Variants in RALGAPA2 observed in about 807,000 individuals in gnomAD.
The protein encoded by RALGAPA2 is ral GTPase-activating protein subunit alpha-2.
Under a neutral mutation model 230.4 loss-of-function variants are expected in RALGAPA2, and 139 were observed. That is an observed-to-expected ratio of 0.60 (90% CI 0.53 to 0.69). The LOEUF is 0.69. Ranked by LOEUF, RALGAPA2 falls within the 30% of genes least tolerant of loss-of-function variation. RALGAPA2 has a pLI of 0.00. For synonymous variants in RALGAPA2, 847 were observed against 837.8 expected, an observed-to-expected ratio of 1.01 and a Z score of -0.19; for missense variants, 2,163 against 2,276.0, an observed-to-expected ratio of 0.95 and a Z score of 1.01.
At chr20:20,529,578 G>A (rs2063316283) in intron 27 of RALGAPA2, among the ~76,000 whole-genome samples, 1 of 152,084 alleles carries the variant, frequency 6.6e-6, no homozygotes. Flanking sequence ...TATTTTTACT[G>A]TACCTCTTCT....
intron 16 of RALGAPA2, chr20:20,598,814 G>T (rs970938151): frequency 4.4e-6 from 2 of 456,006 alleles, no homozygotes; most frequent in African/African-American, 4.0e-5. Context: ...GACTGGCTTC[G>T]CTTAGCTTCC....
At chr20:20,458,873 T>TAC (rs1322200049) in intron 37 of RALGAPA2, among the ~76,000 whole-genome samples, 6 of 134,554 alleles carry the variant, frequency 4.5e-5, no homozygotes, top group Non-Finnish European at 6.2e-5. Flanking sequence ...TATATATATA[T>TAC]ATACACACAC....
rs906673486 is a variant in RALGAPA2, at chr20:20,535,766, T to C, written c.3452A>G (p.Glu1151Gly). The C allele has an allele frequency of 7.9e-5, 122 of 1,548,718 alleles. No individual in the cohort carries two copies. Among genetic ancestry groups the C allele is most frequent in the Admixed American group, 2.6e-4 (13 of 50,654 alleles). The change falls in exon 26 of 40, where the codon GAA becomes GGA. Residue 1151 changes from glutamate (E) to glycine (G), a missense_variant. Transcript: ENST00000202677. ...LINILLKNAT[E>G]EPNEYARCIA... ...TTACCTTGCATATTCATTTGGTTCTTCTGTGGCATTCTTCAGTAAAATATT... is the reference window on the plus strand; with the variant it reads ...TTACCTTGCATATTCATTTGGTTCTCCTGTGGCATTCTTCAGTAAAATATT...
At chr20:20,420,872 TA>T (rs1192559019) in intron 37 of RALGAPA2, among the ~76,000 whole-genome samples, 9 of 152,216 alleles carry the variant, frequency 5.9e-5, no homozygotes, top group African/African-American at 2.2e-4. Context: ...TGGCTAAGAA[TA>T]TTTTACAAAA....
intron 37 of RALGAPA2, among the ~76,000 whole-genome samples, chr20:20,415,392 A>G (rs2060145829): frequency 6.6e-6 from 1 of 152,252 alleles, no homozygotes; most frequent in Admixed American, 6.5e-5. Context: ...AAAGTTTACT[A>G]ACAAATGTGT....
intron 27 of RALGAPA2, 111 bp from the exon 28 acceptor site, chr20:20,526,473 T>C (rs2063207242): frequency 1.4e-6 from 1 of 708,308 alleles, no homozygotes; most frequent in African/African-American, 1.8e-5. Flanking sequence ...ATTTATCTGT[T>C]TTGCCTCAAA....
Position 20,506,563 on chromosome 20 carries a change from G to A in RALGAPA2, c.4929-1029C>T, listed in dbSNP as rs181493795. On this transcript the variant is annotated intron_variant, in intron 33 of 39. Coordinates refer to ENST00000202677, the MANE Select transcript of RALGAPA2 (RefSeq NM_020343.4). ...AGAGTTTTGGTTTTTTTAAAGTTTC[G>A]ATGTCCACTTCCAGAGCGGTTCCAA... Among the ~76,000 whole-genome samples the A allele has an allele frequency of 2.6e-3, 401 of 152,070 alleles. 1 individual carries two copies. The highest frequency in any genetic ancestry group is 4.5e-3 in the Non-Finnish European group (309 of 68,006).
At position 20,629,478 on chromosome 20, in the gene RALGAPA2, C is replaced by G. The variant is rs2066600622; in HGVS notation, c.1118G>C (p.Ser373Thr). 2 of 1,613,848 alleles carry G rather than the reference C, an allele frequency of 1.2e-6. No homozygotes were observed. The highest frequency in any genetic ancestry group is 2.2e-5 in the East Asian group (1 of 44,888). ...NSSTLSDRRL[S>T]NSSLCSIEEE... is the part of the protein sequence containing the mutation. ...TTCAATGCTACAGAGGCTGGAGTTG[C>G]TGAGTCTTCGGTCCGACAAGGTGCT... Residue 373 changes from serine (S) to threonine (T), a missense_variant, in exon 10 of 40, where the codon AGC becomes ACC. Coordinates refer to ENST00000202677, the MANE Select transcript of RALGAPA2 (RefSeq NM_020343.4).
At chr20:20,538,052 T>C (rs2145628272) in intron 24 of RALGAPA2, among the ~76,000 whole-genome samples, 1 of 152,280 alleles carries the variant, frequency 6.6e-6, no homozygotes, top group Admixed American at 6.5e-5. Flanking sequence ...AGAGCTTTTC[T>C]CCCTCAGAGA....
Position 20,614,354 on chromosome 20 carries a change from T to C in RALGAPA2, c.1688+1689A>G, listed in dbSNP as rs146529252. The stretch of plus-strand genomic sequence containing the variant: ...CAAAATAAAAAGATTATCAAAAATA[T>C]CAAAAAACTACTGATACAGTAGTAT... On this transcript the variant is annotated intron_variant, in intron 13 of 39. Coordinates refer to ENST00000202677, the MANE Select transcript of RALGAPA2 (RefSeq NM_020343.4). Among the ~76,000 whole-genome samples, 1,096 of 152,160 alleles carry C rather than the reference T, an allele frequency of 7.2e-3. 10 individuals carry two copies. The highest frequency in any genetic ancestry group is 0.025 in the African/African-American group (1,052 of 41,516).
At chr20:20,443,752 C>T (rs562597357) in intron 37 of RALGAPA2, among the ~76,000 whole-genome samples, 6 of 152,368 alleles carry the variant, frequency 3.9e-5, no homozygotes, top group Non-Finnish European at 8.8e-5. Flanking sequence ...AAATGATGAA[C>T]ACAGTGGTGC....
intron 23 of RALGAPA2, among the ~76,000 whole-genome samples, chr20:20,547,446 G>C (rs924471772): frequency 2.6e-5 from 4 of 152,214 alleles, no homozygotes; most frequent in Non-Finnish European, 5.9e-5. Flanking sequence ...AGTGTGAAGA[G>C]CATCATCTGC....
chr20:20,391,470 G>A lies in RALGAPA2; in HGVS notation c.*1819C>T, dbSNP rs1376317379. 1.3e-5 allele frequency: 2 copies of A among 152,222 alleles called. No individual in the cohort carries two copies. The highest frequency in any genetic ancestry group is 2.9e-5 in the Non-Finnish European group (2 of 68,080). The allele number at this position is 152,222 out of a possible 1,614,324, so 9.4% of individuals were successfully genotyped here. On this transcript the variant is annotated 3_prime_UTR_variant, in exon 40 of 40. Coordinates refer to ENST00000202677, the MANE Select transcript of RALGAPA2 (RefSeq NM_020343.4). ...GGTGGTTCTCAAGGTGCTCCTGTCA[G>A]TGGGCCTGGCCTGCAATCCCCTATA...
chr20:20,415,777 C>T (rs565238729), intron 37 of RALGAPA2, among the ~76,000 whole-genome samples: 1 of 152,270 alleles, frequency 6.6e-6, no homozygotes, highest in South Asian at 2.1e-4. Flanking sequence ...AGAGGTTATA[C>T]GCCTTTACTG....
At chr20:20,698,172 G>A (rs2069192537) in intron 1 of RALGAPA2, among the ~76,000 whole-genome samples, 2 of 152,106 alleles carry the variant, frequency 1.3e-5, no homozygotes, top group Non-Finnish European at 2.9e-5. Context: ...TTAATGGTTA[G>A]TTTTCCAGGG....
intron 39 of RALGAPA2, among the ~76,000 whole-genome samples, chr20:20,394,035 C>T (rs1464030209): frequency 6.6e-6 from 1 of 152,220 alleles, no homozygotes; most frequent in African/African-American, 2.4e-5. Context: ...TGCATGACCT[C>T]TGCTGGGAAC....
At chr20:20,524,581 C>A in intron 29 of RALGAPA2, 38 bp from the exon 30 acceptor site, 1 of 1,611,264 alleles carries the variant, frequency 6.2e-7, no homozygotes, top group South Asian at 1.1e-5. Context: ...ATGCTGCAGT[C>A]TCTTAAACCT....
intron 37 of RALGAPA2, among the ~76,000 whole-genome samples, chr20:20,426,497 G>C (rs1023031952): frequency 6.6e-6 from 1 of 152,194 alleles, no homozygotes. Context: ...GTTTGCTAAC[G>C]AGTCTCTGGC....
At chr20:20,646,306 G>C (rs890983912) in intron 4 of RALGAPA2, among the ~76,000 whole-genome samples, 1 of 152,178 alleles carries the variant, frequency 6.6e-6, no homozygotes, top group Non-Finnish European at 1.5e-5. Context: ...TTACAGGTGT[G>C]AGCCAATGCG....
Sources: gnomAD v4.1 joint callset for allele counts (sites outside exome capture counted in the v4.1 genomes callset) on GRCh38, gnomAD v4.1.1 for gene constraint, MANE v1.5 for transcripts, NCBI Gene and HGNC (gene_info 2026-07-23, HGNC 2026-07-21) for gene names.